Variants in ATXN7L1 observed in about 807,000 individuals in gnomAD.
The protein encoded by ATXN7L1 is ataxin 7 like 1, also known as ataxin-7-like protein 1.
ATXN7L1 carries 15 observed loss-of-function variants against 70.8 expected under a neutral mutation model. The ratio of observed to expected loss-of-function variants is 0.21; its 90% CI spans 0.14 to 0.33. The LOEUF is 0.33. Among genes scored for constraint, ATXN7L1 ranks in the 10% least tolerant of loss-of-function variants. The pLI is 1.00. For synonymous variants in ATXN7L1, 440 were observed against 445.1 expected, an observed-to-expected ratio of 0.99 and a Z score of 0.14; for missense variants, 975 against 1,097.1, an observed-to-expected ratio of 0.89 and a Z score of 1.57.
chr7:105,748,391 A>C (rs894739943), intron 3 of ATXN7L1, among the ~76,000 whole-genome samples: 8 of 152,116 alleles, frequency 5.3e-5, no homozygotes, highest in African/African-American at 1.9e-4. Flanking sequence ...GTAGGTCCCG[A>C]GTTGCTCTAC....
chr7:105,624,948 A>G (rs1161612503), intron 7 of ATXN7L1, among the ~76,000 whole-genome samples: 4 of 152,244 alleles, frequency 2.6e-5, no homozygotes, highest in East Asian at 3.8e-4. Flanking sequence ...TTTGCAGGTA[A>G]GTAAGTTGTA....
chr7:105,727,854 C>CAT lies in ATXN7L1; in HGVS notation c.355+60748_355+60749dup, dbSNP rs762469110. On this transcript the variant is annotated intron_variant, in intron 3 of 11. Coordinates refer to ENST00000419735, the MANE Select transcript of ATXN7L1 (RefSeq NM_020725.2). Reference sequence around the variant, plus strand: ...TATATATATGAATATAAATGTTTTCCATATATATATATATGCAAGAAAAAT... The same window carrying CAT: ...TATATATATGAATATAAATGTTTTCCATATATATATATATATGCAAGAAAAAT... 1.4e-3 allele frequency among the ~76,000 whole-genome samples: 177 copies of CAT among 130,570 alleles called. 1 individual carries two copies. The South Asian group carries it at 0.024, about 18-fold the overall frequency. The allele number at this position is 130,570 out of a possible 152,430, so 85.7% of individuals were successfully genotyped here. A position where few individuals can be genotyped will look rare whatever the true frequency, so the allele number is the denominator to read the frequency against.
intron 2 of ATXN7L1, among the ~76,000 whole-genome samples, chr7:105,863,551 T>C (rs1585181930): frequency 6.6e-6 from 1 of 152,216 alleles, no homozygotes; most frequent in Non-Finnish European, 1.5e-5. Context: ...CCTGGGTGCC[T>C]GCTTGCTTCC....
At chr7:105,631,687 G>A (rs928561137) in intron 7 of ATXN7L1, among the ~76,000 whole-genome samples, 6 of 152,150 alleles carry the variant, frequency 3.9e-5, no homozygotes, top group African/African-American at 1.4e-4. Flanking sequence ...GGCTGGTCTC[G>A]AATTCCTGGC....
intron 6 of ATXN7L1, 103 bp from the exon 7 acceptor site, chr7:105,638,712 G>T: frequency 2.1e-6 from 3 of 1,410,470 alleles, no homozygotes; most frequent in South Asian, 3.0e-5. Context: ...AAATTTAGAG[G>T]TGCTTGAAAA....
intron 3 of ATXN7L1, among the ~76,000 whole-genome samples, chr7:105,692,432 C>CCCTCCCTCCTT (rs1563010026): frequency 7.3e-5 from 7 of 96,128 alleles, no homozygotes; most frequent in African/African-American, 3.0e-4. Context: ...CTTCCTCCCT[C>CCCTCCCTCCTT]CCTCCCTCCC....
chr7:105,624,531 T>A (rs1307377561), intron 7 of ATXN7L1, among the ~76,000 whole-genome samples: 1 of 151,122 alleles, frequency 6.6e-6, no homozygotes, highest in East Asian at 1.9e-4. Flanking sequence ...GTGCCTGTAG[T>A]CCCAGCTACT....
At chr7:105,876,316 G>A (rs568272982) in intron 1 of ATXN7L1, 62 bp downstream of exon 1, 2 of 1,496,098 alleles carry the variant, frequency 1.3e-6, no homozygotes, top group African/African-American at 1.4e-5. Context: ...TTTCCCAGTG[G>A]CTCTAGGTGA....
rs1793638313 is a variant in ATXN7L1 at position 105,614,872 on chromosome 7, C to T, written c.1518-56G>A. 1.3e-6 allele frequency: 2 copies of T among 1,501,722 alleles called. No homozygotes were observed. Among genetic ancestry groups the T allele is most frequent in the Non-Finnish European group, 1.8e-6 (2 of 1,120,160 alleles). 93.0% of individuals were successfully genotyped at this position (1,501,722 alleles called of 1,614,324 possible). ...AGTGAGACATCGGGTTGGCATTGCT[C>T]AGGAGGCTCGATGACGTTTGAGGAT... On this transcript the variant is annotated intron_variant, in intron 9 of 11. Transcript: ENST00000419735. This position sits in a 1 kb window ranked among gnomAD's most constrained non-coding sequence, Gnocchi z 4.3.
At chr7:105,835,117 G>GTT (rs1201099900) in intron 2 of ATXN7L1, among the ~76,000 whole-genome samples, 2 of 94,590 alleles carry the variant, frequency 2.1e-5, no homozygotes, top group Admixed American at 1.1e-4. Flanking sequence ...TGTGGAAGCT[G>GTT]TTTTTTTTTT....
At chr7:105,667,816 T>C (rs1802894706) in intron 3 of ATXN7L1, among the ~76,000 whole-genome samples, 5 of 152,106 alleles carry the variant, frequency 3.3e-5, no homozygotes, top group Admixed American at 3.3e-4. Context: ...TAGAACCAAG[T>C]CTCCTAACTT....
At chr7:105,865,621 T>C (rs1260985698) in intron 2 of ATXN7L1, among the ~76,000 whole-genome samples, 1 of 152,186 alleles carries the variant, frequency 6.6e-6, no homozygotes, top group African/African-American at 2.4e-5. Flanking sequence ...CAGGATGGTA[T>C]CGATCTCCTG....
intron 2 of ATXN7L1, among the ~76,000 whole-genome samples, chr7:105,789,193 CATGCT>C (rs1804765652): frequency 6.6e-6 from 1 of 152,220 alleles, no homozygotes; most frequent in Non-Finnish European, 1.5e-5. Context: ...ACTTGAGGGA[CATGCT>C]AAGGCTGAAG....
chr7:105,675,884 C>CTT (rs371890415), intron 3 of ATXN7L1, among the ~76,000 whole-genome samples: 2 of 142,892 alleles, frequency 1.4e-5, no homozygotes, highest in Non-Finnish European at 3.1e-5. Context: ...TTCATTCACT[C>CTT]TTTTTTTTTT....
intron 2 of ATXN7L1, among the ~76,000 whole-genome samples, chr7:105,833,696 C>A (rs996144019): frequency 4.6e-5 from 7 of 152,106 alleles, no homozygotes; most frequent in Non-Finnish European, 1.0e-4. Flanking sequence ...AAACAAAAAA[C>A]CAAATAGTTA....
chr7:105,772,063 ATTTTTT>A (rs533366742), intron 3 of ATXN7L1, among the ~76,000 whole-genome samples: 16 of 99,820 alleles, frequency 1.6e-4, no homozygotes, highest in African/African-American at 6.1e-4. Context: ...TCAGATTGGA[ATTTTTT>A]TTTTTTTTTT....
chr7:105,696,051 C>T (rs544344317), intron 3 of ATXN7L1, among the ~76,000 whole-genome samples: 84 of 152,298 alleles, frequency 5.5e-4, no homozygotes, highest in South Asian at 1.9e-3. Flanking sequence ...AGTTACAGAA[C>T]GTTCTGCCAC....
At chr7:105,730,797 T>C (rs1265176067) in intron 3 of ATXN7L1, among the ~76,000 whole-genome samples, 1 of 151,994 alleles carries the variant, frequency 6.6e-6, no homozygotes, top group Non-Finnish European at 1.5e-5. Flanking sequence ...GTTGGTGCCC[T>C]AGACGAGATC....
At chr7:105,865,433 G>A (rs953145149) in intron 2 of ATXN7L1, among the ~76,000 whole-genome samples, 6 of 148,648 alleles carry the variant, frequency 4.0e-5, no homozygotes, top group Non-Finnish European at 7.4e-5. Flanking sequence ...ACAGAGTCTC[G>A]CTGTGTTGCC....
Sources: gnomAD v4.1 joint callset for allele counts (sites outside exome capture counted in the v4.1 genomes callset) on GRCh38, gnomAD v4.1.1 for gene constraint, Gnocchi (gnomAD v3.1) non-coding constraint, MANE v1.5 for transcripts, NCBI Gene and HGNC (gene_info 2026-07-23, HGNC 2026-07-21) for gene names.